ANTXR1: variants seen among roughly 807,000 people sequenced by gnomAD.
ANTXR1 encodes the protein anthrax toxin receptor 1.
Under a neutral mutation model 78.1 loss-of-function variants are expected in ANTXR1, and 19 were observed. The ratio of observed to expected loss-of-function variants is 0.24; its 90% CI spans 0.17 to 0.36. The LOEUF (loss-of-function observed/expected upper bound fraction) is 0.36, where lower values mean the gene tolerates loss of function less well. Ranked by LOEUF, ANTXR1 falls within the 10% of genes least tolerant of loss-of-function variation. ANTXR1 has a pLI of 1.00. For missense variants in ANTXR1, 518 were observed against 718.6 expected (o/e 0.72, Z 3.19); for synonymous variants, 273 against 260.5 (o/e 1.05, Z -0.46).
At chr2:69,238,268 T>C (rs1014630126) in intron 17 of ANTXR1, among the ~76,000 whole-genome samples, 1 of 152,202 alleles carries the variant, frequency 6.6e-6, no homozygotes. Context: ...AGATCACAAA[T>C]GTGGTTGCTG....
intron 10 of ANTXR1, among the ~76,000 whole-genome samples, chr2:69,107,451 G>C (rs1558554356): frequency 6.6e-6 from 1 of 152,034 alleles, no homozygotes; most frequent in Non-Finnish European, 1.5e-5. Context: ...TGTTGCCCAG[G>C]CTGGTCTCGA....
At chr2:69,220,874 C>T (rs1363149738) in intron 17 of ANTXR1, among the ~76,000 whole-genome samples, 1 of 152,178 alleles carries the variant, frequency 6.6e-6, no homozygotes, top group Non-Finnish European at 1.5e-5. Flanking sequence ...GGTCTTGAAA[C>T]TCTTAAAAAG....
At chr2:69,213,928 G>A (rs1033785254) in intron 17 of ANTXR1, among the ~76,000 whole-genome samples, 2 of 152,256 alleles carry the variant, frequency 1.3e-5, no homozygotes, top group Non-Finnish European at 2.9e-5. Flanking sequence ...GGGGCACTAA[G>A]CATAATGGGC....
At chr2:69,127,994 A>G (rs1672600501) in intron 12 of ANTXR1, among the ~76,000 whole-genome samples, 1 of 152,210 alleles carries the variant, frequency 6.6e-6, no homozygotes, top group Admixed American at 6.5e-5. Flanking sequence ...TAGGAGACAT[A>G]GGCGGGTGGA....
intron 17 of ANTXR1, among the ~76,000 whole-genome samples, chr2:69,223,003 A>C (rs1246716283): frequency 2.6e-5 from 4 of 152,208 alleles, no homozygotes; most frequent in African/African-American, 9.6e-5. Context: ...ATTTGCCTTC[A>C]GAAAGAGGCT....
chr2:69,049,126 C>T (rs1273419591), intron 3 of ANTXR1, among the ~76,000 whole-genome samples: 1 of 151,972 alleles, frequency 6.6e-6, no homozygotes, highest in African/African-American at 2.4e-5. Context: ...AGTTTGTGAT[C>T]CATGGGCTTC....
intron 10 of ANTXR1, chr2:69,103,145 G>T: frequency 3.1e-6 from 2 of 637,936 alleles, no homozygotes; most frequent in South Asian, 3.4e-5. Flanking sequence ...AGCCCCATGG[G>T]TGTCCAGCTT....
chr2:69,042,308 C>T (rs1159321543), intron 2 of ANTXR1, among the ~76,000 whole-genome samples: 1 of 152,154 alleles, frequency 6.6e-6, no homozygotes, highest in African/African-American at 2.4e-5. Context: ...CAGCAAATAA[C>T]CTCACCTCCT....
Position 69,102,869 on chromosome 2 carries a change from A to G in ANTXR1, c.731A>G (p.Asn244Ser). The G allele has an allele frequency of 1.2e-6, 2 of 1,614,104 alleles. No homozygotes were observed. The highest frequency in any genetic ancestry group is 1.7e-6 in the Non-Finnish European group (2 of 1,180,014). The change falls in exon 10 of 18, where the codon AAC becomes AGC. Residue 244 changes from asparagine (N) to serine (S), a missense_variant. Physicochemically the swap from Asn to Ser is conservative, Grantham distance 46 (BLOSUM62 1). Coordinates refer to ENST00000303714, the MANE Select transcript of ANTXR1 (RefSeq NM_032208.3). The part of the protein sequence containing the change: ...GESFQVVVRG[N>S]GFRHARNVDR... ...TCATTTCAAGTTGTCGTGAGAGGAA[A>G]CGGCTTCCGACATGCCCGCAACGTG...
chr2:69,155,959 T>C (rs1673512264), intron 13 of ANTXR1, among the ~76,000 whole-genome samples: 1 of 152,120 alleles, frequency 6.6e-6, no homozygotes, highest in Non-Finnish European at 1.5e-5. Context: ...TGACTCCATG[T>C]TGACACTCTG....
intron 17 of ANTXR1, among the ~76,000 whole-genome samples, chr2:69,224,329 T>G (rs1009337719): frequency 1.3e-5 from 2 of 152,168 alleles, no homozygotes; most frequent in African/African-American, 4.8e-5. Context: ...TCACTGTTGG[T>G]TTTTGTTGAC....
At chr2:69,179,349 C>T (rs115701583) in intron 14 of ANTXR1, among the ~76,000 whole-genome samples, 4,812 of 152,038 alleles carry the variant, frequency 0.032, 274 homozygotes, top group African/African-American at 0.11. Context: ...GAGTTTGTGA[C>T]CGGCCTGGGC....
chr2:69,121,588 A>G (rs1331685498), intron 10 of ANTXR1, among the ~76,000 whole-genome samples: 2 of 152,344 alleles, frequency 1.3e-5, no homozygotes, highest in Non-Finnish European at 2.9e-5. Flanking sequence ...TGTCAGCTAT[A>G]TTCTGCAGTC....
chr2:69,054,316 G>T (rs750694196), intron 3 of ANTXR1, among the ~76,000 whole-genome samples: 1 of 152,006 alleles, frequency 6.6e-6, no homozygotes, highest in Non-Finnish European at 1.5e-5. Context: ...TTACTATTAC[G>T]TACAGTTTTA....
chr2:69,245,458 C>G lies in ANTXR1; in HGVS notation c.1668C>G (p.Ser556=). The G allele has an allele frequency of 6.2e-7, 1 of 1,612,346 alleles. No individual in the cohort carries two copies. Among genetic ancestry groups the G allele is most frequent in the African/African-American group, 1.3e-5 (1 of 74,498 alleles). The change falls in exon 18 of 18, where the codon TCC becomes TCG. Residue 556 remains serine, a synonymous_variant. Coordinates refer to ENST00000303714, the MANE Select transcript of ANTXR1 (RefSeq NM_032208.3). ...CTCCCAACAGGGCACCTCCTCCCTC[C>G]CGCCCTCCTCCAAGGCCTTCTGTCT... ...APPPNRAPPP[S]RPPPRPSV is the part of the protein sequence containing the mutation.
At chr2:69,152,966 T>G (rs2104431076) in intron 13 of ANTXR1, among the ~76,000 whole-genome samples, 1 of 152,300 alleles carries the variant, frequency 6.6e-6, no homozygotes, top group Non-Finnish European at 1.5e-5. Flanking sequence ...TGGCTGTCAA[T>G]TTCTGTTCCC....
chr2:69,106,488 A>T (rs77767888), intron 10 of ANTXR1, among the ~76,000 whole-genome samples: 4,513 of 152,336 alleles, frequency 0.03, 100 homozygotes, highest in Non-Finnish European at 0.044. Flanking sequence ...GCTGATGCAG[A>T]TACAGGACAC....
At chr2:69,079,892 A>G (rs746749367) in intron 8 of ANTXR1, among the ~76,000 whole-genome samples, 6 of 152,224 alleles carry the variant, frequency 3.9e-5, no homozygotes, top group Non-Finnish European at 8.8e-5. Context: ...GTATGCATAA[A>G]TCAGTGTTGT....
Position 69,014,441 on chromosome 2 carries a change from C to G in ANTXR1, c.152+790C>G, listed in dbSNP as rs141252343. Among the ~76,000 whole-genome samples the G allele has an allele frequency of 1.7e-4, 26 of 152,320 alleles. No individual in the cohort carries two copies. In the East Asian group the frequency reaches 4.6e-3, roughly 27 times the overall value. Reference sequence around the variant, plus strand: ...TGAATTCAAGCTCTTGGCCATTTGACTGGTGGGCTACCAGGGAGGTGCAGG... The same window carrying G: ...TGAATTCAAGCTCTTGGCCATTTGAGTGGTGGGCTACCAGGGAGGTGCAGG... On this transcript the variant is annotated intron_variant, in intron 1 of 17. Transcript: ENST00000303714.
Sources: gnomAD v4.1 joint callset for allele counts (sites outside exome capture counted in the v4.1 genomes callset) on GRCh38, gnomAD v4.1.1 for gene constraint, MANE v1.5 for transcripts, NCBI Gene and HGNC (gene_info 2026-07-23, HGNC 2026-07-21) for gene names.